STAT4: variants seen among roughly 807,000 people sequenced by gnomAD.
The protein encoded by STAT4 is signal transducer and activator of transcription 4.
In STAT4, 42 loss-of-function variants were observed where a neutral mutation model predicts 110.5. The ratio of observed to expected loss-of-function variants is 0.38; its 90% CI spans 0.30 to 0.49. The LOEUF is 0.49. Ranked by LOEUF, STAT4 falls within the 20% of genes least tolerant of loss-of-function variation. STAT4 has a pLI of 0.95. For synonymous variants in STAT4, 284 were observed against 302.2 expected, an observed-to-expected ratio of 0.94 and a Z score of 0.63; for missense variants, 632 against 887.9, an observed-to-expected ratio of 0.71 and a Z score of 3.66.
chr2:191,098,358 C>T (rs1227948991), intron 3 of STAT4, among the ~76,000 whole-genome samples: 2 of 152,102 alleles, frequency 1.3e-5, no homozygotes, highest in East Asian at 1.9e-4. Context: ...AACTTGGAAC[C>T]AACCCAAATG....
chr2:191,145,213 C>G (rs753800566), intron 3 of STAT4, among the ~76,000 whole-genome samples: 1 of 152,074 alleles, frequency 6.6e-6, no homozygotes, highest in Non-Finnish European at 1.5e-5. Context: ...AGTGTAAAAG[C>G]AATCATAAAC....
At chr2:191,070,458 A>C (rs1697114786) in intron 5 of STAT4, among the ~76,000 whole-genome samples, 1 of 152,154 alleles carries the variant, frequency 6.6e-6, no homozygotes, top group Non-Finnish European at 1.5e-5. Context: ...GAAGTAACTC[A>C]CTTGTCCAAG....
Position 191,033,829 on chromosome 2 carries a change from G to T in STAT4, c.1715+82C>A. ...TTTCTGTGGTACTAAACATGCTTAA[G>T]AGAAAAAGAAAGAAGAAAACCAATA... On this transcript the variant is annotated intron_variant, in intron 19 of 23. Coordinates refer to ENST00000392320, the MANE Select transcript of STAT4 (RefSeq NM_003151.4). This position sits in a 1 kb window ranked among gnomAD's most constrained non-coding sequence, Gnocchi z 6.9. The T allele has an allele frequency of 7.2e-7, 1 of 1,394,568 alleles. No homozygotes were observed. The highest frequency in any genetic ancestry group is 9.8e-7 in the Non-Finnish European group (1 of 1,020,148). The allele number at this position is 1,394,568 out of a possible 1,614,324, so 86.4% of individuals were successfully genotyped here.
intron 3 of STAT4, among the ~76,000 whole-genome samples, chr2:191,096,225 T>C (rs1310794253): frequency 1.3e-5 from 2 of 152,168 alleles, no homozygotes; most frequent in Admixed American, 1.3e-4. Flanking sequence ...TCTGAAACTA[T>C]TCCAATCAAT....
rs763673195 is a variant in STAT4, at chr2:191,146,669, T to C, written c.217A>G (p.Lys73Glu). 6.3e-7 allele frequency: 1 copy of C among 1,596,946 alleles called. No homozygotes were observed. The change falls in exon 3 of 24, where the codon AAA (lysine) becomes GAA (glutamate). Residue 73 changes from lysine to glutamate, a missense_variant. Around this residue, in one of 4 missense-constraint regions of STAT4, gnomAD observed 488 missense variants for 632.8 expected, o/e 0.77. Transcript: ENST00000392320. This position sits in a 1 kb window ranked among gnomAD's most constrained non-coding sequence, Gnocchi z 4.5. ...QLDEQLGRVS[K>E]EKNLLLIHNL... ...TGTATCAAGAGTAGGTTTTTCTCTT[T>C]GGAAACACGACCTAACTGTTCATCC...
At chr2:191,067,811 C>A (rs941983479) in intron 6 of STAT4, among the ~76,000 whole-genome samples, 1 of 152,114 alleles carries the variant, frequency 6.6e-6, no homozygotes, top group Non-Finnish European at 1.5e-5. Flanking sequence ...CCTACAATGG[C>A]AAGTGCCTGT....
intron 3 of STAT4, among the ~76,000 whole-genome samples, chr2:191,079,604 A>G (rs1318726842): frequency 1.3e-5 from 2 of 152,030 alleles, no homozygotes; most frequent in Non-Finnish European, 2.9e-5. Context: ...AATTTTCTGC[A>G]TATACAAATC....
intron 4 of STAT4, among the ~76,000 whole-genome samples, chr2:191,075,837 CT>C (rs71407854): frequency 0.022 from 2,664 of 121,440 alleles, 26 homozygotes; most frequent in African/African-American, 0.048. Flanking sequence ...TTCTTTCTTT[CT>C]TTTTTTTTTT....
chr2:191,039,317 G>T lies in STAT4; in HGVS notation c.1336-20C>A, dbSNP rs1277062250. 1.2e-6 allele frequency: 2 copies of T among 1,608,138 alleles called. No homozygotes were observed. Among genetic ancestry groups the T allele is most frequent in the East Asian group, 4.5e-5 (2 of 44,852 alleles). The stretch of plus-strand genomic sequence containing the variant: ...GCTGGTCTGGTTTGGGGGGAAAAAA[G>T]CATAGTTATTACAGGTAGTCCCACC... On this transcript the variant is annotated intron_variant, in intron 15 of 23. Coordinates refer to ENST00000392320, the MANE Select transcript of STAT4 (RefSeq NM_003151.4). This position sits in a 1 kb window ranked among gnomAD's most constrained non-coding sequence, Gnocchi z 4.7.
intron 3 of STAT4, among the ~76,000 whole-genome samples, chr2:191,145,589 A>G (rs553258090): frequency 7.2e-5 from 11 of 152,314 alleles, no homozygotes; most frequent in Admixed American, 7.2e-4. Flanking sequence ...TGTCTTGCAG[A>G]TTTACAGGGG....
chr2:191,094,705 G>C (rs919253890), intron 3 of STAT4, among the ~76,000 whole-genome samples: 4 of 152,024 alleles, frequency 2.6e-5, no homozygotes, highest in Non-Finnish European at 4.4e-5. Context: ...TAACAAGCCA[G>C]CATCATAATG....
At chr2:191,131,125 G>T (rs1323515994) in intron 3 of STAT4, among the ~76,000 whole-genome samples, 1 of 151,558 alleles carries the variant, frequency 6.6e-6, no homozygotes, top group East Asian at 1.9e-4. Flanking sequence ...AGTGTAAATT[G>T]GTATAACCAT....
At chr2:191,151,333 C>G (rs1157352061), upstream of STAT4, 1 of 985,480 alleles carries the variant, frequency 1.0e-6, no homozygotes, top group African/African-American at 1.7e-5. This position sits in a 1 kb window ranked among gnomAD's most constrained non-coding sequence, Gnocchi z 4.7. Context: ...GAGTTACTTA[C>G]CTGGAGCCCA....
At chr2:191,131,226 G>T (rs1699028644) in intron 3 of STAT4, among the ~76,000 whole-genome samples, 1 of 151,786 alleles carries the variant, frequency 6.6e-6, no homozygotes, top group Non-Finnish European at 1.5e-5. Flanking sequence ...ATATTCTAGA[G>T]AATTTCTTAC....
intron 6 of STAT4, chr2:191,068,214 ACT>A (rs1212786819): frequency 6.6e-6 from 1 of 152,196 alleles, no homozygotes; most frequent in Non-Finnish European, 1.5e-5. Context: ...TGAAAAAGTG[ACT>A]CAAATCATAA....
At chr2:191,064,121 G>A (rs1361742431) in intron 8 of STAT4, among the ~76,000 whole-genome samples, 3 of 152,128 alleles carry the variant, frequency 2.0e-5, no homozygotes, top group African/African-American at 7.2e-5. Flanking sequence ...ATGCCAGCTT[G>A]TATTAACCAT....
In STAT4 at chr2:191,148,072, C is replaced by G; in HGVS notation, c.128+4G>C. On this transcript the variant is annotated splice_donor_region_variant and intron_variant, in intron 2 of 23. Coordinates refer to ENST00000392320, the MANE Select transcript of STAT4 (RefSeq NM_003151.4). ...ACTTCTAGGGAAAATATGTTTGATC[C>G]TACCAGTCTTGATTTTCAATCCATT... 6.2e-7 allele frequency: 1 copy of G among 1,613,218 alleles called. No individual in the cohort carries two copies. Among genetic ancestry groups the G allele is most frequent in the Non-Finnish European group, 8.5e-7 (1 of 1,179,542 alleles).
Position 191,032,300 on chromosome 2 carries a change from A to G in STAT4, c.2044+658T>C, listed in dbSNP as rs1695918424. ...TTGTATACACTTTCATTAAAGAAAC[A>G]GAATGGTGAACGTACCTTAAAATTG... On this transcript the variant is annotated intron_variant, in intron 21 of 23. Coordinates refer to ENST00000392320, the MANE Select transcript of STAT4 (RefSeq NM_003151.4). This position sits in a 1 kb window ranked among gnomAD's most constrained non-coding sequence, Gnocchi z 4.9. The G allele has an allele frequency of 6.6e-6, 1 of 152,258 alleles. No individual in the cohort carries two copies. The highest frequency in any genetic ancestry group is 2.4e-5 in the African/African-American group (1 of 41,448). The allele number at this position is 152,258 out of a possible 1,614,324, so 9.4% of individuals were successfully genotyped here. A position where few individuals can be genotyped will look rare whatever the true frequency, so the allele number is the denominator to read the frequency against.
At chr2:191,052,077 G>A (rs1256887938) in intron 14 of STAT4, among the ~76,000 whole-genome samples, 1 of 152,146 alleles carries the variant, frequency 6.6e-6, no homozygotes, top group Non-Finnish European at 1.5e-5. Context: ...ACGAGGTTAC[G>A]ATATTCTAGC....
Sources: allele counts gnomAD v4.1 joint callset (sites outside exome capture counted in the v4.1 genomes callset), GRCh38; gene constraint gnomAD v4.1.1; regional missense constraint gnomAD v4.1.1; non-coding constraint Gnocchi (gnomAD v3.1); transcripts MANE v1.5; gene names NCBI Gene and HGNC (gene_info 2026-07-23, HGNC 2026-07-21).